PON3: variants seen among roughly 807,000 people sequenced by gnomAD.
PON3 encodes the protein serum paraoxonase/lactonase 3.
In PON3, 37 loss-of-function variants were observed where a neutral mutation model predicts 36.3. That is an observed-to-expected ratio of 1.02 (90% CI 0.78 to 1.34). The LOEUF is 1.34. Ranked by LOEUF, PON3 falls within the 40% of genes most tolerant of loss-of-function variation. The pLI, the probability that PON3 is intolerant of heterozygous loss-of-function variation, is 0.00. For missense variants in PON3, 415 were observed against 426.5 expected, an observed-to-expected ratio of 0.97 and a Z score of 0.24; for synonymous variants, 155 against 154.8, an observed-to-expected ratio of 1.00 and a Z score of -0.01.
In PON3 at chr7:95,372,444, T is replaced by G. The variant is rs568252587; in HGVS notation, c.202-106A>C. On this transcript the variant is annotated intron_variant, in intron 3 of 8. Coordinates refer to ENST00000265627, the MANE Select transcript of PON3 (RefSeq NM_000940.3). Reference sequence around the variant, plus strand: ...AAATAAAAATGTTCAAAGTTCTAAATTTCATTTAGATTACTGGGCTTTTTC... The same window carrying G: ...AAATAAAAATGTTCAAAGTTCTAAAGTTCATTTAGATTACTGGGCTTTTTC... 81 of 1,294,028 alleles carry G rather than the reference T, an allele frequency of 6.3e-5. No homozygotes were observed. In the African/African-American group the frequency reaches 1.1e-3, roughly 18 times the overall value. 80.2% of individuals were successfully genotyped at this position (1,294,028 alleles called of 1,614,324 possible). A position where few individuals can be genotyped will look rare whatever the true frequency, so the allele number is the denominator to read the frequency against.
At chr7:95,381,968 C>A (rs1399289407) in intron 3 of PON3, among the ~76,000 whole-genome samples, 2 of 152,168 alleles carry the variant, frequency 1.3e-5, no homozygotes, top group Admixed American at 6.5e-5. Context: ...GACTACTCAG[C>A]AAATGTAAAA....
intron 3 of PON3, among the ~76,000 whole-genome samples, chr7:95,384,047 C>G (rs1393885050): frequency 6.6e-6 from 1 of 152,072 alleles, no homozygotes; most frequent in Non-Finnish European, 1.5e-5. Flanking sequence ...AGAGATAATA[C>G]CACACATCTA....
chr7:95,372,033 C>G, intron 4 of PON3, 140 bp downstream of exon 4: 2 of 1,061,872 alleles, frequency 1.9e-6, no homozygotes, highest in South Asian at 1.4e-5. Context: ...GGTTTTATAC[C>G]TATTTATCAT....
At position 95,360,083 on chromosome 7, in the gene PON3, C is replaced by T. The variant is rs747343552; in HGVS notation, c.955G>A (p.Val319Met). 23 of 1,613,452 alleles carry T rather than the reference C, an allele frequency of 1.4e-5. No homozygotes were observed. The highest frequency in any genetic ancestry group is 3.3e-5 in the Admixed American group (2 of 59,960). Residue 319 changes from valine to methionine, a missense_variant, in exon 9 of 9, where the codon GTG becomes ATG. Physicochemically the swap from Val to Met is conservative, Grantham distance 21. Transcript: ENST00000265627. ...VLSEKPRVSTVYANNGSVLQG... is the reference protein window; with the variant it reads ...VLSEKPRVSTMYANNGSVLQG... ...AGCACAGAGCCATTGTTGGCATACA[C>T]GGTGCTCACCCTGGGCTTCTCAGAC...
intron 8 of PON3, among the ~76,000 whole-genome samples, chr7:95,360,981 T>C (rs1339096535): frequency 6.6e-6 from 1 of 152,264 alleles, no homozygotes; most frequent in East Asian, 1.9e-4. Context: ...CAAAAAGTCT[T>C]ATCTAAAATT....
At chr7:95,375,724 A>G (rs547423902) in intron 3 of PON3, among the ~76,000 whole-genome samples, 4 of 152,366 alleles carry the variant, frequency 2.6e-5, no homozygotes, top group South Asian at 4.1e-4. Flanking sequence ...ATGATCAAAG[A>G]AACACTTCTG....
intron 4 of PON3, among the ~76,000 whole-genome samples, chr7:95,371,278 T>C (rs370235031): frequency 4.2e-5 from 6 of 142,820 alleles, no homozygotes; most frequent in African/African-American, 1.5e-4. Context: ...GGTTTTTGCA[T>C]GGATAGGTTT....
rs939020695 is a variant in PON3 at position 95,385,269 on chromosome 7, G to T, written c.201+4885C>A. Among the ~76,000 whole-genome samples the T allele has an allele frequency of 3.3e-5, 5 of 152,182 alleles. No individual in the cohort carries two copies. The East Asian group carries it at 5.8e-4, about 18-fold the overall frequency. On this transcript the variant is annotated intron_variant, in intron 3 of 8. Coordinates refer to ENST00000265627, the MANE Select transcript of PON3 (RefSeq NM_000940.3). Reference sequence around the variant, plus strand: ...CCTAATGTAAATGATGAGTTAATTGGTGCAGCACACCAACATGGCACATGT... The same window carrying T: ...CCTAATGTAAATGATGAGTTAATTGTTGCAGCACACCAACATGGCACATGT...
intron 3 of PON3, among the ~76,000 whole-genome samples, chr7:95,385,442 A>G (rs948943694): frequency 6.6e-6 from 1 of 152,132 alleles, no homozygotes; most frequent in Non-Finnish European, 1.5e-5. Flanking sequence ...ACCTGCCAAG[A>G]GACTTAGACT....
chr7:95,361,918 C>T (rs1808576448), intron 8 of PON3, among the ~76,000 whole-genome samples: 1 of 151,946 alleles, frequency 6.6e-6, no homozygotes, highest in African/African-American at 2.4e-5. Flanking sequence ...TTTTCAACAC[C>T]ATCGTATATG....
chr7:95,378,330 T>A (rs193241718), intron 3 of PON3, among the ~76,000 whole-genome samples: 1 of 152,120 alleles, frequency 6.6e-6, no homozygotes, highest in East Asian at 1.9e-4. Context: ...AAAACACTCT[T>A]CAGGATATTA....
chr7:95,376,390 C>T (rs1274754812), intron 3 of PON3, among the ~76,000 whole-genome samples: 1 of 152,120 alleles, frequency 6.6e-6, no homozygotes, highest in Non-Finnish European at 1.5e-5. Context: ...TCAGCAACTT[C>T]CAAACATCTT....
At chr7:95,363,080 G>C (rs17885374) in intron 6 of PON3, among the ~76,000 whole-genome samples, 306 of 151,790 alleles carry the variant, frequency 2.0e-3, no homozygotes, top group African/African-American at 6.9e-3. Flanking sequence ...GACATATATA[G>C]GCTCAATCTT....
intron 3 of PON3, among the ~76,000 whole-genome samples, chr7:95,386,394 A>C (rs943086045): frequency 6.6e-6 from 1 of 152,218 alleles, no homozygotes; most frequent in Admixed American, 6.5e-5. Context: ...GAAATGGATA[A>C]ATTCCTCGAC....
intron 3 of PON3, among the ~76,000 whole-genome samples, chr7:95,381,506 A>G (rs1046914278): frequency 5.3e-5 from 8 of 152,216 alleles, no homozygotes; most frequent in Non-Finnish European, 1.0e-4. Flanking sequence ...GGACAGAGGA[A>G]GATCTACTAA....
intron 3 of PON3, among the ~76,000 whole-genome samples, chr7:95,382,152 G>A (rs549623614): frequency 8.5e-5 from 13 of 152,166 alleles, no homozygotes; most frequent in African/African-American, 2.2e-4. Flanking sequence ...CTTTGAAACC[G>A]ACGAGAACAA....
At chr7:95,379,876 T>C (rs376594910) in intron 3 of PON3, among the ~76,000 whole-genome samples, 2 of 152,274 alleles carry the variant, frequency 1.3e-5, no homozygotes, top group South Asian at 4.1e-4. Flanking sequence ...AGCACGCAGC[T>C]TGAGATCTGA....
chr7:95,369,948 G>A (rs917842695), intron 4 of PON3, among the ~76,000 whole-genome samples: 3 of 152,142 alleles, frequency 2.0e-5, no homozygotes, highest in Non-Finnish European at 2.9e-5. Flanking sequence ...AGTGGCAGAC[G>A]GACATTCCAG....
chr7:95,377,345 A>G (rs949814088), intron 3 of PON3, among the ~76,000 whole-genome samples: 1 of 152,156 alleles, frequency 6.6e-6, no homozygotes, highest in Non-Finnish European at 1.5e-5. Context: ...GGCAGGGCAA[A>G]TCAGAACAAA....
Sources: allele counts gnomAD v4.1 joint callset (sites outside exome capture counted in the v4.1 genomes callset), GRCh38; gene constraint gnomAD v4.1.1; transcripts MANE v1.5; gene names NCBI Gene and HGNC (gene_info 2026-07-23, HGNC 2026-07-21).